The following COL23A1 variants were observed in gnomAD, a reference collection of about 807,000 sequenced individuals.
COL23A1 encodes collagen alpha-1(XXIII) chain.
A neutral mutation model predicts 99.3 loss-of-function variants in COL23A1; 97 were observed. The observed-to-expected ratio is 0.98, with a 90% CI of 0.83 to 1.16. COL23A1 has a LOEUF of 1.16. COL23A1 is among the 50% of genes most tolerant of loss of function. The pLI is 0.00. For synonymous variants in COL23A1, 320 were observed against 308.2 expected (o/e 1.04, Z -0.40); for missense variants, 762 against 757.4 (o/e 1.01, Z -0.07).
intron 1 of COL23A1, among the ~76,000 whole-genome samples, chr5:178,586,394 G>T (rs898402722): frequency 2.0e-5 from 3 of 152,160 alleles, no homozygotes; most frequent in Non-Finnish European, 2.9e-5. Flanking sequence ...CTGCTGATAG[G>T]AAACCTCAGG....
intron 2 of COL23A1, among the ~76,000 whole-genome samples, chr5:178,479,133 A>G (rs1411133851): frequency 6.6e-6 from 1 of 152,004 alleles, no homozygotes; most frequent in Non-Finnish European, 1.5e-5. Context: ...TGACCGTGGT[A>G]ATGACAACAG....
intron 2 of COL23A1, among the ~76,000 whole-genome samples, chr5:178,342,779 C>A (rs1282767672): frequency 7.4e-6 from 1 of 135,284 alleles, no homozygotes; most frequent in African/African-American, 2.5e-5. Flanking sequence ...AAGTCTCATT[C>A]TTGTCAAGAA....
At chr5:178,575,768 T>C (rs1192022872) in intron 1 of COL23A1, among the ~76,000 whole-genome samples, 1 of 152,174 alleles carries the variant, frequency 6.6e-6, no homozygotes, top group Non-Finnish European at 1.5e-5. Context: ...GAAGAGTGCA[T>C]GAGCCATTGT....
chr5:178,361,087 T>C (rs1458445390), intron 2 of COL23A1, among the ~76,000 whole-genome samples: 2 of 152,258 alleles, frequency 1.3e-5, no homozygotes, highest in African/African-American at 2.4e-5. Context: ...GCTGGGTCTC[T>C]AGCTATTCTT....
intron 2 of COL23A1, among the ~76,000 whole-genome samples, chr5:178,523,143 A>AATATATATATATATATATATATATATAC: frequency 9.4e-6 from 1 of 106,226 alleles, no homozygotes; most frequent in African/African-American, 3.2e-5. Flanking sequence ...TCTATTTAAA[A>AATATATATATATATATATATATATATAC]ATATATATAT....
At chr5:178,327,774 T>C (rs1246521918) in intron 2 of COL23A1, among the ~76,000 whole-genome samples, 1 of 152,064 alleles carries the variant, frequency 6.6e-6, no homozygotes, top group Non-Finnish European at 1.5e-5. Context: ...CCTGCTCCCC[T>C]CTGAAGGCCT....
At chr5:178,376,903 T>C (rs1295534854) in intron 2 of COL23A1, among the ~76,000 whole-genome samples, 1 of 152,176 alleles carries the variant, frequency 6.6e-6, no homozygotes, top group Non-Finnish European at 1.5e-5. Flanking sequence ...CATGACTTCA[T>C]CAAAGTGAAC....
intron 2 of COL23A1, among the ~76,000 whole-genome samples, chr5:178,444,691 G>A (rs1027926163): frequency 2.6e-5 from 4 of 152,196 alleles, no homozygotes; most frequent in African/African-American, 9.7e-5. Context: ...AGCTACTCAG[G>A]AGGCTGAGGC....
chr5:178,546,074 G>A (rs983020300), intron 2 of COL23A1, among the ~76,000 whole-genome samples: 2 of 151,724 alleles, frequency 1.3e-5, no homozygotes, highest in Non-Finnish European at 2.9e-5. Context: ...CCCGGGAGGT[G>A]CTCACCCTAT....
intron 1 of COL23A1, among the ~76,000 whole-genome samples, chr5:178,567,838 G>A (rs1411453617): frequency 1.3e-5 from 2 of 151,846 alleles, no homozygotes; most frequent in Non-Finnish European, 2.9e-5. Flanking sequence ...ATAAATGATT[G>A]AATAAATAAA....
intron 2 of COL23A1, among the ~76,000 whole-genome samples, chr5:178,547,944 C>A (rs866829427): frequency 2.2e-5 from 2 of 92,542 alleles, no homozygotes; most frequent in East Asian, 3.4e-4. Context: ...CACCCACCCC[C>A]CACACACACC....
At chr5:178,251,836 C>T (rs1422290212) in intron 17 of COL23A1, among the ~76,000 whole-genome samples, 1 of 152,018 alleles carries the variant, frequency 6.6e-6, no homozygotes, top group Non-Finnish European at 1.5e-5. Context: ...GTTTAGCTTC[C>T]ACTTTTAAGT....
At chr5:178,552,435 C>T (rs988557290) in intron 2 of COL23A1, among the ~76,000 whole-genome samples, 3 of 152,132 alleles carry the variant, frequency 2.0e-5, no homozygotes, top group Non-Finnish European at 4.4e-5. Flanking sequence ...TCTGACATAC[C>T]AAGGTAGCTG....
chr5:178,390,365 A>ACC (rs1175718160), intron 2 of COL23A1, among the ~76,000 whole-genome samples: 2 of 152,210 alleles, frequency 1.3e-5, no homozygotes, highest in Non-Finnish European at 2.9e-5. Context: ...CATGGCCATG[A>ACC]GGCAGGTCAC....
chr5:178,410,877 A>G (rs997414358), intron 2 of COL23A1, among the ~76,000 whole-genome samples: 10 of 152,248 alleles, frequency 6.6e-5, no homozygotes, highest in Non-Finnish European at 1.2e-4. Context: ...TATATCTGAC[A>G]ATACTAATAG....
chr5:178,243,018 C>T (rs552088335), intron 25 of COL23A1, among the ~76,000 whole-genome samples: 10 of 151,794 alleles, frequency 6.6e-5, no homozygotes, highest in Non-Finnish European at 1.3e-4. Flanking sequence ...GCCAACATGG[C>T]GAAACCCTAA....
intron 2 of COL23A1, among the ~76,000 whole-genome samples, chr5:178,389,225 G>A (rs945595488): frequency 6.6e-6 from 1 of 152,062 alleles, no homozygotes; most frequent in Admixed American, 6.5e-5. Flanking sequence ...CTGCCTGGAA[G>A]CGGCTTTCCT....
At chr5:178,532,920 C>A (rs1177763965) in intron 2 of COL23A1, among the ~76,000 whole-genome samples, 2 of 152,172 alleles carry the variant, frequency 1.3e-5, no homozygotes, top group Non-Finnish European at 2.9e-5. Flanking sequence ...TGATCACAGA[C>A]CCCCAGCCTT....
intron 2 of COL23A1, among the ~76,000 whole-genome samples, chr5:178,456,973 G>C (rs1470769911): frequency 6.6e-6 from 1 of 152,112 alleles, no homozygotes; most frequent in Non-Finnish European, 1.5e-5. Flanking sequence ...AACACACCCT[G>C]TTTTGGGTTT....
Sources: gnomAD v4.1 joint callset for allele counts (sites outside exome capture counted in the v4.1 genomes callset) on GRCh38, gnomAD v4.1.1 for gene constraint, MANE v1.5 for transcripts, NCBI Gene and HGNC (gene_info 2026-07-23, HGNC 2026-07-21) for gene names.